CACNA2D3: variants seen among roughly 807,000 people sequenced by gnomAD.
The protein encoded by CACNA2D3 is voltage-dependent calcium channel subunit alpha-2/delta-3.
CACNA2D3 carries 60 observed loss-of-function variants against 160.6 expected under a neutral mutation model. The observed-to-expected ratio is 0.37, with a 90% CI of 0.30 to 0.46. The LOEUF is 0.46. Among genes scored for constraint, CACNA2D3 ranks in the 20% least tolerant of loss-of-function variants. CACNA2D3 has a pLI of 1.00. For synonymous variants in CACNA2D3, 558 were observed against 492.9 expected (o/e 1.13, Z -1.75); for missense variants, 1,205 against 1,365.0 (o/e 0.88, Z 1.85).
At chr3:54,581,218 G>C in intron 8 of CACNA2D3, among the ~76,000 whole-genome samples, 1 of 152,196 alleles carries the variant, frequency 6.6e-6, no homozygotes, top group Non-Finnish European at 1.5e-5. Context: ...CAAATAAAAA[G>C]TGTGGGGGGG....
chr3:54,811,028 A>G (rs936634936), intron 13 of CACNA2D3, among the ~76,000 whole-genome samples: 10 of 152,016 alleles, frequency 6.6e-5, no homozygotes, highest in African/African-American at 2.4e-4. Context: ...GATGTCCCCG[A>G]TTGAGTCCTG....
chr3:54,814,808 A>G (rs917376473), intron 13 of CACNA2D3, among the ~76,000 whole-genome samples: 9 of 152,144 alleles, frequency 5.9e-5, no homozygotes, highest in South Asian at 2.1e-4. Context: ...CTCAACAAAG[A>G]TAAAATAGAG....
intron 11 of CACNA2D3, among the ~76,000 whole-genome samples, chr3:54,714,027 T>C (rs929248305): frequency 6.6e-6 from 1 of 152,170 alleles, no homozygotes; most frequent in Non-Finnish European, 1.5e-5. Flanking sequence ...TTGTGACAAG[T>C]GAGCAGAGGG....
intron 4 of CACNA2D3, among the ~76,000 whole-genome samples, chr3:54,431,728 C>G (rs926691624): frequency 1.3e-5 from 2 of 152,134 alleles, no homozygotes; most frequent in Non-Finnish European, 2.9e-5. Context: ...GTGCCTTAGC[C>G]TCCAGAGTAG....
At chr3:54,903,889 A>G (rs889965783) in intron 27 of CACNA2D3, among the ~76,000 whole-genome samples, 23 of 152,144 alleles carry the variant, frequency 1.5e-4, no homozygotes, top group African/African-American at 4.6e-4. Flanking sequence ...TCCTTTGCCC[A>G]CTTTTTAATG....
At chr3:54,655,236 G>A (rs1699856752) in intron 11 of CACNA2D3, among the ~76,000 whole-genome samples, 1 of 152,130 alleles carries the variant, frequency 6.6e-6, no homozygotes, top group Non-Finnish European at 1.5e-5. Flanking sequence ...GCGCAGTGCT[G>A]CCTAATGGAA....
At chr3:54,344,904 T>C (rs1698428593) in intron 3 of CACNA2D3, among the ~76,000 whole-genome samples, 1 of 152,052 alleles carries the variant, frequency 6.6e-6, no homozygotes, top group Admixed American at 6.6e-5. Context: ...CAGGTTACAG[T>C]AAAGGAGCCA....
chr3:54,617,621 A>G (rs1698882525), intron 9 of CACNA2D3, among the ~76,000 whole-genome samples: 1 of 152,230 alleles, frequency 6.6e-6, no homozygotes, highest in Non-Finnish European at 1.5e-5. Flanking sequence ...TAAATATCAG[A>G]TAACAAAGAA....
chr3:54,539,157 A>G (rs1043248631), intron 5 of CACNA2D3, among the ~76,000 whole-genome samples: 2 of 152,180 alleles, frequency 1.3e-5, no homozygotes, highest in Non-Finnish European at 2.9e-5. Context: ...ACTAGCTCCT[A>G]GTAGGGTCAC....
intron 16 of CACNA2D3, among the ~76,000 whole-genome samples, chr3:54,844,181 T>A (rs1303774232): frequency 2.0e-5 from 3 of 151,272 alleles, no homozygotes; most frequent in Non-Finnish European, 3.0e-5. Flanking sequence ...AGCCCAGGAG[T>A]ATGGGACCTG....
chr3:54,206,108 A>C (rs544813239), intron 2 of CACNA2D3, among the ~76,000 whole-genome samples: 33 of 152,220 alleles, frequency 2.2e-4, no homozygotes, highest in Non-Finnish European at 4.0e-4. Context: ...AAACGTTCGA[A>C]GATGGTGCAC....
chr3:54,312,449 T>G (rs932119930), intron 2 of CACNA2D3, among the ~76,000 whole-genome samples: 1 of 152,158 alleles, frequency 6.6e-6, no homozygotes, highest in African/African-American at 2.4e-5. Context: ...TCCGAATTAA[T>G]TCTGATTGGC....
At chr3:54,415,122 T>G (rs562235423) in intron 4 of CACNA2D3, among the ~76,000 whole-genome samples, 1 of 152,196 alleles carries the variant, frequency 6.6e-6, no homozygotes, top group Non-Finnish European at 1.5e-5. Flanking sequence ...ATATTCAGAG[T>G]CCCACAGTAC....
At chr3:54,956,327 G>A (rs1296679779) in intron 27 of CACNA2D3, among the ~76,000 whole-genome samples, 1 of 152,134 alleles carries the variant, frequency 6.6e-6, no homozygotes. Flanking sequence ...CAATGAATTG[G>A]AGATTCCGGG....
chr3:54,668,209 T>A (rs1490608652), intron 11 of CACNA2D3, among the ~76,000 whole-genome samples: 5 of 152,198 alleles, frequency 3.3e-5, no homozygotes, highest in Non-Finnish European at 2.9e-5. Context: ...GACCTAATTT[T>A]AAAAATTGGG....
chr3:54,201,134 A>G (rs2107349167), intron 2 of CACNA2D3, among the ~76,000 whole-genome samples: 1 of 152,364 alleles, frequency 6.6e-6, no homozygotes, highest in East Asian at 1.9e-4. Flanking sequence ...GAAATCTTTC[A>G]TAATTTCGGA....
Position 55,063,587 on chromosome 3 carries a change from CAG to C in CACNA2D3, c.2988-9857_2988-9856del, listed in dbSNP as rs992277705. ...TATGAGAGAAGCAGCATGGTGCACT[CAG>C]GGGCTCGTGGGTAGGTCAGCAGCCT... is the stretch of plus-strand genomic sequence containing the variant. On this transcript the variant is annotated intron_variant, in intron 35 of 37. Coordinates refer to ENST00000474759, the MANE Select transcript of CACNA2D3 (RefSeq NM_018398.3). 2.8e-4 allele frequency among the ~76,000 whole-genome samples: 42 copies of C among 152,114 alleles called. 1 individual carries two copies. Among genetic ancestry groups the C allele is most frequent in the Non-Finnish European group, 5.9e-5 (4 of 68,018 alleles).
chr3:54,782,419 C>G (rs934093437), intron 13 of CACNA2D3, among the ~76,000 whole-genome samples: 1 of 152,074 alleles, frequency 6.6e-6, no homozygotes, highest in African/African-American at 2.4e-5. Flanking sequence ...ATCAAGTGCT[C>G]AATAAGTGCT....
intron 2 of CACNA2D3, among the ~76,000 whole-genome samples, chr3:54,199,626 A>G (rs1490180699): frequency 1.6e-5 from 2 of 126,238 alleles, no homozygotes; most frequent in African/African-American, 8.6e-5. Context: ...AGATGAGAGA[A>G]TCTTAAGGGA....
Sources: gnomAD v4.1 joint callset for allele counts (sites outside exome capture counted in the v4.1 genomes callset) on GRCh38, gnomAD v4.1.1 for gene constraint, MANE v1.5 for transcripts, NCBI Gene and HGNC (gene_info 2026-07-23, HGNC 2026-07-21) for gene names.